Variants in ABCG2 observed in about 807,000 individuals in gnomAD.
ABCG2 encodes broad substrate specificity ATP-binding cassette transporter ABCG2.
In ABCG2, 80 loss-of-function variants were observed where a neutral mutation model predicts 73.5. That is an observed-to-expected ratio of 1.09 (90% confidence interval 0.91 to 1.31). The LOEUF (loss-of-function observed/expected upper bound fraction) is 1.31, where lower values mean the gene tolerates loss of function less well. Ranked by LOEUF, ABCG2 falls within the 50% of genes most tolerant of loss-of-function variation. The probability of loss-of-function intolerance (pLI) is 0.00; values close to 1 mark genes in which losing one functional copy is unlikely to be tolerated. For synonymous variants in ABCG2, 269 were observed against 282.4 expected (o/e 0.95, Z 0.48); for missense variants, 796 against 786.2 (o/e 1.01, Z -0.15).
chr4:88,168,485 C>CAAAA, intron 1 of ABCG2, among the ~76,000 whole-genome samples: 1 of 137,818 alleles, frequency 7.3e-6, no homozygotes, highest in African/African-American at 2.6e-5. Flanking sequence ...GGCTTCCTCT[C>CAAAA]AAAAAAAAAA....
At chr4:88,117,467 T>C (rs535522415) in intron 7 of ABCG2, among the ~76,000 whole-genome samples, 2 of 152,058 alleles carry the variant, frequency 1.3e-5, no homozygotes, top group South Asian at 2.1e-4. Context: ...ACCCTGTCTC[T>C]ACTAAAAAAA....
In ABCG2 at chr4:88,115,117, T is replaced by C; in HGVS notation, c.842-59A>G. On this transcript the variant is annotated intron_variant, in intron 7 of 15. Coordinates refer to ENST00000237612, the MANE Select transcript of ABCG2 (RefSeq NM_004827.3). ...GATGGTCTTGGAAAACAAAGAGAAC[T>C]CACTTTCAGAGGGTGAGGGAGGTAA... The C allele has an allele frequency of 4.1e-6, 5 of 1,229,410 alleles. No individual in the cohort carries two copies. The South Asian group carries it at 5.0e-5, about 12-fold the overall frequency. 76.2% of individuals were successfully genotyped at this position (1,229,410 alleles called of 1,614,324 possible). A position where few individuals can be genotyped will look rare whatever the true frequency, so the allele number is the denominator to read the frequency against.
chr4:88,132,588 C>A lies in ABCG2; in HGVS notation c.251G>T (p.Gly84Val). 1 of 1,614,182 alleles carries A rather than the reference C, an allele frequency of 6.2e-7. No individual in the cohort carries two copies. The highest frequency in any genetic ancestry group is 2.2e-5 in the East Asian group (1 of 44,874). The change falls in exon 3 of 16, where the codon GGA becomes GTA. Residue 84 changes from glycine to valine, a missense_variant. By Grantham distance (109) the Gly-to-Val change is moderately radical. Transcript: ENST00000237612. ...CTCTTATACTCACGAAGATTTGCCT[C>A]CACCTGTGGGTCCCAGGATGGCGTT... ...GLNAILGPTG[G>V]GKSSLLDVLA... is the part of the protein sequence containing the mutation.
intron 5 of ABCG2, among the ~76,000 whole-genome samples, chr4:88,129,647 A>G (rs1724702024): frequency 6.6e-6 from 1 of 152,212 alleles, no homozygotes; most frequent in African/African-American, 2.4e-5. Flanking sequence ...ACAGTAAAAC[A>G]CCCTGAACAG....
At chr4:88,187,182 G>A (rs1728501499) in intron 1 of ABCG2, among the ~76,000 whole-genome samples, 1 of 149,856 alleles carries the variant, frequency 6.7e-6, no homozygotes, top group Non-Finnish European at 1.5e-5. Flanking sequence ...TGGTTAATGG[G>A]TACAAAAATA....
intron 1 of ABCG2, chr4:88,226,948 C>T (rs1299978816): frequency 1.3e-5 from 2 of 152,156 alleles, no homozygotes; most frequent in South Asian, 2.1e-4. Flanking sequence ...CCAGCCTCCA[C>T]AAAAAATTTA....
rs575652504 is a variant in ABCG2, at chr4:88,093,956, G to GT, written c.1820+620dup. Among the ~76,000 whole-genome samples the GT allele has an allele frequency of 1.5e-3, 223 of 152,108 alleles. 1 individual carries two copies. Among genetic ancestry groups the GT allele is most frequent in the African/African-American group, 5.2e-3 (217 of 41,504 alleles). ...TTCTCAACTTATTCAAGTGTTTCTT[G>GT]TTTTTTTAGAGGATAAATCGATTGA... On this transcript the variant is annotated intron_variant, in intron 15 of 15. Coordinates refer to ENST00000237612, the MANE Select transcript of ABCG2 (RefSeq NM_004827.3).
At chr4:88,122,666 G>A (rs542109213) in intron 5 of ABCG2, among the ~76,000 whole-genome samples, 5 of 152,298 alleles carry the variant, frequency 3.3e-5, no homozygotes, top group Admixed American at 3.3e-4. Flanking sequence ...GCCCCAGTCA[G>A]GGGTATATAG....
chr4:88,211,358 G>GCCCCTCCC (rs1264405228), intron 1 of ABCG2, among the ~76,000 whole-genome samples: 2 of 33,648 alleles, frequency 5.9e-5, no homozygotes, highest in Non-Finnish European at 1.1e-4. Flanking sequence ...TTCAACCCCT[G>GCCCCTCCC]CCCCACCCCC....
upstream of ABCG2, among the ~76,000 whole-genome samples, chr4:88,160,895 G>A (rs1393241652): frequency 2.7e-5 from 4 of 150,866 alleles, no homozygotes; most frequent in East Asian, 7.8e-4. Context: ...AAATTGCTGG[G>A]CAAGGAGTGA....
At chr4:88,192,902 G>A (rs960139296) in intron 1 of ABCG2, among the ~76,000 whole-genome samples, 2 of 148,676 alleles carry the variant, frequency 1.3e-5, no homozygotes, top group Non-Finnish European at 1.5e-5. Flanking sequence ...TAGTAAAGAC[G>A]GGGTTTTGCC....
intron 1 of ABCG2, among the ~76,000 whole-genome samples, chr4:88,204,031 A>G (rs1045472469): frequency 6.6e-6 from 1 of 152,160 alleles, no homozygotes; most frequent in Non-Finnish European, 1.5e-5. Context: ...TCACTTTGCA[A>G]ATTTTCTCTT....
chr4:88,120,526 G>A (rs1414280563), intron 6 of ABCG2, among the ~76,000 whole-genome samples: 1 of 152,214 alleles, frequency 6.6e-6, no homozygotes, highest in Admixed American at 6.5e-5. Context: ...GCATCAGTGT[G>A]ACTTGGACGT....
chr4:88,094,050 T>C (rs984595589), intron 15 of ABCG2, among the ~76,000 whole-genome samples: 1 of 152,204 alleles, frequency 6.6e-6, no homozygotes, highest in African/African-American at 2.4e-5. Flanking sequence ...TCATGATGTC[T>C]TCCAAATGCA....
chr4:88,191,251 G>A (rs1166705205), intron 1 of ABCG2, among the ~76,000 whole-genome samples: 4 of 141,752 alleles, frequency 2.8e-5, no homozygotes, highest in South Asian at 4.5e-4. Flanking sequence ...CAGCCTGGGC[G>A]ACAGAGTGAG....
chr4:88,102,369 G>C (rs184992816), intron 10 of ABCG2, among the ~76,000 whole-genome samples: 1 of 152,122 alleles, frequency 6.6e-6, no homozygotes, highest in Non-Finnish European at 1.5e-5. Context: ...AGGCCGGGTC[G>C]GGAGGATCAT....
chr4:88,212,021 G>A (rs1729619896), intron 1 of ABCG2, among the ~76,000 whole-genome samples: 1 of 152,180 alleles, frequency 6.6e-6, no homozygotes, highest in Admixed American at 6.6e-5. Flanking sequence ...TGTAGGAGAA[G>A]GTGTGAGTCT....
At chr4:88,103,852 C>T (rs557797074) in intron 10 of ABCG2, among the ~76,000 whole-genome samples, 46 of 152,352 alleles carry the variant, frequency 3.0e-4, no homozygotes, top group African/African-American at 1.1e-3. Flanking sequence ...GCTTATTTCA[C>T]TTGGCATAAT....
intron 2 of ABCG2, among the ~76,000 whole-genome samples, chr4:88,134,528 T>C (rs748171809): frequency 6.6e-6 from 1 of 152,228 alleles, no homozygotes; most frequent in African/African-American, 2.4e-5. Flanking sequence ...CATTTATCTA[T>C]AGCTCTTGAT....
Sources: allele counts gnomAD v4.1 joint callset (sites outside exome capture counted in the v4.1 genomes callset), GRCh38; gene constraint gnomAD v4.1.1; transcripts MANE v1.5; gene names NCBI Gene and HGNC (gene_info 2026-07-23, HGNC 2026-07-21).